Variants in PIBF1 observed in about 807,000 individuals in gnomAD.
PIBF1 encodes the protein progesterone-induced-blocking factor 1.
Under a neutral mutation model 112.5 loss-of-function variants are expected in PIBF1, and 90 were observed. The observed-to-expected ratio is 0.80, with a 90% confidence interval of 0.67 to 0.95. The LOEUF is 0.95. Among genes scored for constraint, PIBF1 ranks in the 40% least tolerant of loss-of-function variants. The pLI is 0.00. For synonymous variants in PIBF1, 301 were observed against 288.6 expected (o/e 1.04, Z -0.44); for missense variants, 915 against 852.3 (o/e 1.07, Z -0.92).
intron 17 of PIBF1, among the ~76,000 whole-genome samples, chr13:73,001,588 T>TTTTTTTTTTTTTTTTTTTTTTG: frequency 7.0e-6 from 1 of 142,042 alleles, no homozygotes; most frequent in Non-Finnish European, 1.5e-5. Context: ...TTGACTTTTT[T>TTTTTTTTTTTTTTTTTTTTTTG]TTTTTTTTTT....
Position 72,913,774 on chromosome 13 carries a change from A to G in PIBF1, c.1640-3302A>G, listed in dbSNP as rs572482484. On this transcript the variant is annotated intron_variant, in intron 12 of 17. Coordinates refer to ENST00000326291, the MANE Select transcript of PIBF1 (RefSeq NM_006346.4). ...GAGACTCTGTCTCAAAAAAAAAAAA[A>G]ATTGCAGATGTTGAGTATATGGATG... is the stretch of plus-strand genomic sequence containing the variant. Among the ~76,000 whole-genome samples the G allele has an allele frequency of 9.2e-5, 14 of 152,202 alleles. No individual in the cohort carries two copies. The South Asian group carries it at 2.5e-3, about 27-fold the overall frequency.
intron 15 of PIBF1, among the ~76,000 whole-genome samples, chr13:72,966,168 G>A (rs552715772): frequency 6.6e-6 from 1 of 152,020 alleles, no homozygotes; most frequent in Admixed American, 6.5e-5. Flanking sequence ...CAAGGAATTG[G>A]AAAACAATAA....
intron 5 of PIBF1, among the ~76,000 whole-genome samples, chr13:72,798,501 C>G (rs1445305644): frequency 2.6e-5 from 4 of 152,138 alleles, no homozygotes; most frequent in African/African-American, 9.7e-5. Flanking sequence ...TAAGTTGACT[C>G]GTAGGTTCTG....
chr13:72,803,687 G>T (rs947260227), intron 5 of PIBF1, among the ~76,000 whole-genome samples: 1 of 152,016 alleles, frequency 6.6e-6, no homozygotes, highest in Non-Finnish European at 1.5e-5. Context: ...GTTGAGTTTC[G>T]ATTTAAAAAA....
intron 8 of PIBF1, among the ~76,000 whole-genome samples, chr13:72,834,961 G>C (rs187225894): frequency 8.5e-4 from 128 of 150,576 alleles, no homozygotes; most frequent in African/African-American, 2.8e-3. Context: ...TACTAGAAAA[G>C]TGTTTTGGAA....
At position 72,797,921 on chromosome 13, in the gene PIBF1, G is replaced by A. The variant is rs374221657; in HGVS notation, c.567G>A (p.Glu189=). ...IPEYVSVRFY[E]LVNPLRKEIC... ...TTTTTTTCAAGGTTCGCTTCTATGA[G>A]CTAGTGAATCCATTAAGAAAGGAAA... The change falls in exon 5 of 18, where the codon GAG becomes GAA. Residue 189 remains glutamate (E), a synonymous_variant. Coordinates refer to ENST00000326291, the MANE Select transcript of PIBF1 (RefSeq NM_006346.4). 25 of 1,597,282 alleles carry A rather than the reference G, an allele frequency of 1.6e-5. No individual in the cohort carries two copies. Among genetic ancestry groups the A allele is most frequent in the Non-Finnish European group, 2.0e-5 (24 of 1,173,432 alleles).
chr13:72,910,764 T>C (rs906899780), intron 12 of PIBF1, among the ~76,000 whole-genome samples: 6 of 152,048 alleles, frequency 3.9e-5, no homozygotes, highest in African/African-American at 7.2e-5. Flanking sequence ...TATATAGTCA[T>C]TACCCAAAAA....
intron 3 of PIBF1, among the ~76,000 whole-genome samples, chr13:72,794,036 T>TC (rs575622444): frequency 8.1e-4 from 123 of 152,144 alleles, no homozygotes; most frequent in African/African-American, 2.9e-3. Flanking sequence ...GACCAAGTAC[T>TC]CCAACATTAA....
intron 9 of PIBF1, among the ~76,000 whole-genome samples, chr13:72,853,612 T>C (rs925105648): frequency 6.6e-6 from 1 of 152,220 alleles, no homozygotes; most frequent in Non-Finnish European, 1.5e-5. Context: ...TTCAAGGTTC[T>C]TCATTTCAAT....
chr13:72,895,561 ATATAAATT>A lies in PIBF1; in HGVS notation c.1488+1623_1488+1630del, dbSNP rs1482549521. ...TGAATTCTCACTGATAAGTACCAAAATATAAATTTATAAATTTAAACTTTTTTTTTTAC... is the reference window on the plus strand; with the variant it reads ...TGAATTCTCACTGATAAGTACCAAAATATAAATTTAAACTTTTTTTTTTAC... On this transcript the variant is annotated intron_variant, in intron 11 of 17. Coordinates refer to ENST00000326291, the MANE Select transcript of PIBF1 (RefSeq NM_006346.4). 2.0e-5 allele frequency among the ~76,000 whole-genome samples: 3 copies of A among 152,064 alleles called. No individual in the cohort carries two copies. In the East Asian group the frequency reaches 5.8e-4, roughly 29 times the overall value.
At chr13:72,927,955 A>ATATG (rs1555316858) in intron 13 of PIBF1, among the ~76,000 whole-genome samples, 5,345 of 69,444 alleles carry the variant, frequency 0.077, 531 homozygotes, top group African/African-American at 0.23. Flanking sequence ...GTATATATAT[A>ATATG]TATACACATA....
At chr13:72,955,855 G>A (rs952529177) in intron 14 of PIBF1, among the ~76,000 whole-genome samples, 2 of 152,028 alleles carry the variant, frequency 1.3e-5, no homozygotes, top group African/African-American at 4.8e-5. Context: ...TTTCCAATCT[G>A]TCAAGCCCCT....
At chr13:72,856,807 AAT>A (rs1480759204) in intron 10 of PIBF1, among the ~76,000 whole-genome samples, 1 of 152,182 alleles carries the variant, frequency 6.6e-6, no homozygotes, top group East Asian at 1.9e-4. Flanking sequence ...TTTCTTAATT[AAT>A]ATATAAATTC....
At chr13:72,875,078 A>G (rs1446756865) in intron 10 of PIBF1, among the ~76,000 whole-genome samples, 3 of 152,220 alleles carry the variant, frequency 2.0e-5, no homozygotes, top group Non-Finnish European at 4.4e-5. Flanking sequence ...TCAATGTAGT[A>G]TCATTCAGAA....
chr13:72,822,993 A>G (rs9573040), intron 6 of PIBF1, among the ~76,000 whole-genome samples: 118,102 of 152,182 alleles, frequency 0.78, 46,147 homozygotes, highest in South Asian at 0.85. Flanking sequence ...TACTTGGGAG[A>G]TTGAGGTGGG....
chr13:73,008,479 G>A (rs541372153), intron 17 of PIBF1, among the ~76,000 whole-genome samples: 1 of 152,240 alleles, frequency 6.6e-6, no homozygotes, highest in South Asian at 2.1e-4. Context: ...AGAACTGAAA[G>A]GCTTCTGTCA....
At chr13:72,855,043 T>C (rs1453417159) in intron 10 of PIBF1, among the ~76,000 whole-genome samples, 2 of 152,182 alleles carry the variant, frequency 1.3e-5, no homozygotes, top group Admixed American at 1.3e-4. Context: ...GCTACCTTAT[T>C]TTTTTAACTT....
intron 13 of PIBF1, among the ~76,000 whole-genome samples, chr13:72,917,905 C>T (rs2041156344): frequency 6.6e-6 from 1 of 151,942 alleles, no homozygotes; most frequent in South Asian, 2.1e-4. Context: ...AATATTATAC[C>T]AATTGTATGT....
chr13:73,000,982 T>C (rs2043845637), intron 17 of PIBF1, among the ~76,000 whole-genome samples: 1 of 152,162 alleles, frequency 6.6e-6, no homozygotes, highest in South Asian at 2.1e-4. Context: ...ATAAGGGAAA[T>C]TTTTTTCAAA....
Sources: gnomAD v4.1 joint callset for allele counts (sites outside exome capture counted in the v4.1 genomes callset) on GRCh38, gnomAD v4.1.1 for gene constraint, MANE v1.5 for transcripts, NCBI Gene and HGNC (gene_info 2026-07-23, HGNC 2026-07-21) for gene names.